TNKS: variants seen among roughly 807,000 people sequenced by gnomAD.
The protein encoded by TNKS is poly [ADP-ribose] polymerase tankyrase-1.
TNKS carries 72 observed loss-of-function variants against 135.8 expected under a neutral mutation model. The observed-to-expected ratio is 0.53, with a 90% CI of 0.44 to 0.64. The LOEUF (loss-of-function observed/expected upper bound fraction) is 0.64, where lower values mean the gene tolerates loss of function less well. Among genes scored for constraint, TNKS ranks in the 30% least tolerant of loss-of-function variants. TNKS has a pLI of 0.00. For missense variants in TNKS, 1,769 were observed against 1,674.0 expected, an observed-to-expected ratio of 1.06 and a Z score of -0.99; for synonymous variants, 849 against 649.3, an observed-to-expected ratio of 1.31 and a Z score of -4.68.
intron 3 of TNKS, among the ~76,000 whole-genome samples, chr8:9,640,683 C>T (rs1800692525): frequency 6.9e-6 from 1 of 145,924 alleles, no homozygotes; most frequent in Admixed American, 7.2e-5. Flanking sequence ...AAGAAAATAG[C>T]ACCTAATGTA....
At chr8:9,768,416 G>C (rs926946643) in intron 25 of TNKS, among the ~76,000 whole-genome samples, 1 of 152,222 alleles carries the variant, frequency 6.6e-6, no homozygotes, top group Non-Finnish European at 1.5e-5. Context: ...GTGAGAGAAA[G>C]AGACGAATTT....
chr8:9,627,756 T>TA (rs1800119841), intron 3 of TNKS, among the ~76,000 whole-genome samples: 1 of 152,164 alleles, frequency 6.6e-6, no homozygotes, highest in Non-Finnish European at 1.5e-5. Context: ...AAAAGAAAAA[T>TA]ACATGTGTAA....
At chr8:9,661,879 A>G (rs1201548684) in intron 3 of TNKS, among the ~76,000 whole-genome samples, 5 of 152,242 alleles carry the variant, frequency 3.3e-5, no homozygotes, top group Non-Finnish European at 1.5e-5. Context: ...GAACTCAAAC[A>G]AATGTACAAG....
At chr8:9,769,406 G>C (rs976966696) in intron 25 of TNKS, among the ~76,000 whole-genome samples, 9 of 152,060 alleles carry the variant, frequency 5.9e-5, no homozygotes, top group Non-Finnish European at 1.0e-4. Context: ...AAGTACTTTC[G>C]TTCATGATCC....
intron 12 of TNKS, among the ~76,000 whole-genome samples, chr8:9,723,213 C>G (rs1215107986): frequency 6.8e-6 from 1 of 146,930 alleles, no homozygotes; most frequent in Non-Finnish European, 1.5e-5. Flanking sequence ...AGTTTTTAAA[C>G]TACTATTTTT....
rs147020772 is a variant in TNKS at position 9,556,398 on chromosome 8, C to T, written c.459C>T (p.Ser153=). 17 of 1,614,120 alleles carry T rather than the reference C, an allele frequency of 1.1e-5. No homozygotes were observed. The East Asian group carries it at 2.2e-4, about 21-fold the overall frequency. ...PSSPGSSLAE[S]PEAAGVSSTA... ...CCCCTGGATCGAGCTTGGCGGAGAG[C>T]CCCGAGGCGGCCGGAGTTAGCAGCA... is the stretch of plus-strand genomic sequence containing the variant. The change falls in exon 1 of 27, where the codon AGC becomes AGT. Residue 153 remains serine (S), a synonymous_variant. Coordinates refer to ENST00000310430, the MANE Select transcript of TNKS (RefSeq NM_003747.3).
At chr8:9,765,574 T>A in intron 23 of TNKS, 118 bp from the exon 24 acceptor site, 1 of 779,324 alleles carries the variant, frequency 1.3e-6, no homozygotes, top group Non-Finnish European at 2.0e-6. Context: ...TTATCACTTT[T>A]AAATTATGTC....
intron 3 of TNKS, among the ~76,000 whole-genome samples, chr8:9,634,938 G>A (rs1800451376): frequency 6.6e-6 from 1 of 152,146 alleles, no homozygotes; most frequent in African/African-American, 2.4e-5. Flanking sequence ...GGCACTTTGG[G>A]AGGCTGAGGC....
intron 1 of TNKS, among the ~76,000 whole-genome samples, chr8:9,559,589 G>T (rs1797240904): frequency 7.4e-6 from 1 of 135,576 alleles, no homozygotes; most frequent in South Asian, 2.4e-4. Context: ...TTGATTTTCA[G>T]CCTCCCCCAT....
At chr8:9,740,076 A>G (rs1055700790) in intron 17 of TNKS, among the ~76,000 whole-genome samples, 5 of 150,348 alleles carry the variant, frequency 3.3e-5, no homozygotes, top group Admixed American at 2.0e-4. Context: ...AAAAAAAAAA[A>G]AAAAGAAAGT....
intron 3 of TNKS, among the ~76,000 whole-genome samples, chr8:9,634,523 C>T (rs968899343): frequency 5.9e-5 from 9 of 152,242 alleles, no homozygotes; most frequent in African/African-American, 2.2e-4. Flanking sequence ...AGTAATTCTG[C>T]AACTATTTTA....
intron 5 of TNKS, among the ~76,000 whole-genome samples, chr8:9,701,593 C>G (rs1803807130): frequency 2.6e-5 from 4 of 152,160 alleles, no homozygotes. Context: ...TCCTGAAACT[C>G]TGAGAAAAAT....
intron 3 of TNKS, among the ~76,000 whole-genome samples, chr8:9,664,682 T>G (rs1801905442): frequency 6.6e-6 from 1 of 152,226 alleles, no homozygotes; most frequent in South Asian, 2.1e-4. Flanking sequence ...ATGAACTGCA[T>G]TTAGAGAACT....
chr8:9,741,610 A>G (rs1029032568), intron 17 of TNKS: 7 of 425,786 alleles, frequency 1.6e-5, no homozygotes, highest in Non-Finnish European at 3.7e-5. Flanking sequence ...GTCACAGAGG[A>G]TAAAGGAAAG....
rs142984384 is a variant in TNKS, at chr8:9,654,688, A to G, written c.995-25263A>G. Among the ~76,000 whole-genome samples the G allele has an allele frequency of 4.6e-3, 699 of 152,276 alleles. 9 individuals carry two copies. Among genetic ancestry groups the G allele is most frequent in the African/African-American group, 0.016 (654 of 41,550 alleles). ...AGATGATAGATTTCATGTATCTTAG[A>G]ATTAGATTTCTGTGTTCTTAGATTC... is the stretch of plus-strand genomic sequence containing the variant. On this transcript the variant is annotated intron_variant, in intron 3 of 26. Transcript: ENST00000310430.
intron 2 of TNKS, among the ~76,000 whole-genome samples, chr8:9,587,314 G>A (rs1237542274): frequency 6.6e-6 from 1 of 152,074 alleles, no homozygotes; most frequent in Non-Finnish European, 1.5e-5. Flanking sequence ...AGGAATGGGG[G>A]TAGCCCCAAG....
Position 9,748,179 on chromosome 8 carries a change from C to G in TNKS, c.2799C>G (p.Asn933Lys). Residue 933 changes from asparagine (N) to lysine (K), a missense_variant, in exon 18 of 27, where the codon AAC becomes AAG. Asn to Lys is a moderately conservative substitution (Grantham distance 94). This residue lies in a region of TNKS where 722 missense variants were observed against 688.9 expected (regional missense o/e 1.05). Transcript: ENST00000310430. ...ATGGTGCAGACCCCACCATGAAGAACCAGGAAGGCCAGACGCCTCTGGATC... is the reference window on the plus strand; with the variant it reads ...ATGGTGCAGACCCCACCATGAAGAAGCAGGAAGGCCAGACGCCTCTGGATC... The part of the protein sequence containing the change: ...LAHGADPTMK[N>K]QEGQTPLDLA... 1.3e-6 allele frequency: 2 copies of G among 1,588,022 alleles called. No individual in the cohort carries two copies. The highest frequency in any genetic ancestry group is 1.7e-6 in the Non-Finnish European group (2 of 1,167,358).
At chr8:9,672,148 A>G (rs1290291432) in intron 3 of TNKS, among the ~76,000 whole-genome samples, 1 of 152,176 alleles carries the variant, frequency 6.6e-6, no homozygotes, top group Non-Finnish European at 1.5e-5. Flanking sequence ...TATTGTTCCA[A>G]TTGTTCTGTT....
chr8:9,670,444 C>T (rs756768773), intron 3 of TNKS, among the ~76,000 whole-genome samples: 11 of 152,122 alleles, frequency 7.2e-5, no homozygotes, highest in Non-Finnish European at 1.3e-4. Flanking sequence ...TATTAATTTT[C>T]TTATCTGAAT....
Sources: gnomAD v4.1 joint callset for allele counts (sites outside exome capture counted in the v4.1 genomes callset) on GRCh38, gnomAD v4.1.1 for gene constraint, gnomAD v4.1.1 regional missense constraint, MANE v1.5 for transcripts, NCBI Gene and HGNC (gene_info 2026-07-23, HGNC 2026-07-21) for gene names.